Variants in ZNF385D observed in about 807,000 individuals in gnomAD.
ZNF385D encodes zinc finger protein 659.
In ZNF385D, 15 loss-of-function variants were observed where a neutral mutation model predicts 35.8. That is an observed-to-expected ratio of 0.42 (90% confidence interval 0.28 to 0.64). The LOEUF is 0.64. Ranked by LOEUF, ZNF385D falls within the 30% of genes least tolerant of loss-of-function variation. The pLI, the probability that ZNF385D is intolerant of heterozygous loss-of-function variation, is 0.23. For missense variants in ZNF385D, 474 were observed against 494.6 expected (o/e 0.96, Z 0.39); for synonymous variants, 212 against 186.8 (o/e 1.13, Z -1.10).
intron 3 of ZNF385D, among the ~76,000 whole-genome samples, chr3:21,986,569 T>A (rs1486715823): frequency 3.0e-4 from 44 of 148,344 alleles, no homozygotes; most frequent in Middle Eastern, 3.4e-3. Flanking sequence ...ACATTTGCTG[T>A]GGAGAGCTTT....
At chr3:22,255,902 T>A (rs1213718559) in intron 2 of ZNF385D, among the ~76,000 whole-genome samples, 1 of 151,700 alleles carries the variant, frequency 6.6e-6, no homozygotes, top group East Asian at 1.9e-4. Context: ...CCTGGGTGTG[T>A]CTGTGAGGGT....
At chr3:21,724,345 A>G (rs2068663181) in intron 1 of ZNF385D, among the ~76,000 whole-genome samples, 1 of 151,946 alleles carries the variant, frequency 6.6e-6, no homozygotes, top group Admixed American at 6.6e-5. Context: ...CAATTAAAAG[A>G]CACACAATGG....
At chr3:21,675,260 CTCTA>C (rs964889591) in intron 1 of ZNF385D, among the ~76,000 whole-genome samples, 1 of 151,912 alleles carries the variant, frequency 6.6e-6, no homozygotes, top group Non-Finnish European at 1.5e-5. Context: ...ACATCTTTTC[CTCTA>C]TCTTTCTTAA....
chr3:21,950,690 T>G (rs1366459405), intron 3 of ZNF385D, among the ~76,000 whole-genome samples: 9 of 151,830 alleles, frequency 5.9e-5, no homozygotes, highest in Non-Finnish European at 1.5e-5. Context: ...GTCTTACATT[T>G]AAGTCTTTAA....
chr3:22,187,758 G>A (rs1486890581), intron 2 of ZNF385D, among the ~76,000 whole-genome samples: 2 of 152,196 alleles, frequency 1.3e-5, no homozygotes, highest in Non-Finnish European at 2.9e-5. Flanking sequence ...GCTCAACTGT[G>A]TAGAGTCGTA....
At chr3:21,583,884 T>C (rs2063735383) in intron 2 of ZNF385D, among the ~76,000 whole-genome samples, 1 of 150,900 alleles carries the variant, frequency 6.6e-6, no homozygotes, top group Non-Finnish European at 1.5e-5. Context: ...ATTCAATTTT[T>C]TTCTTTTCTT....
At chr3:22,356,931 A>G (rs1277563277) in intron 2 of ZNF385D, among the ~76,000 whole-genome samples, 2 of 151,980 alleles carry the variant, frequency 1.3e-5, no homozygotes, top group Admixed American at 6.6e-5. Context: ...TAAGTGAGTA[A>G]AACATTTACT....
chr3:22,137,757 C>T (rs1284641660), intron 3 of ZNF385D, among the ~76,000 whole-genome samples: 1 of 152,170 alleles, frequency 6.6e-6, no homozygotes, highest in East Asian at 1.9e-4. Context: ...TGAAAACTGG[C>T]ACAAGACAGG....
chr3:22,181,963 C>T (rs1695308671), intron 2 of ZNF385D, among the ~76,000 whole-genome samples: 1 of 152,072 alleles, frequency 6.6e-6, no homozygotes, highest in South Asian at 2.1e-4. Flanking sequence ...AAAATGAAAC[C>T]ATAATAAGCA....
chr3:22,360,895 AG>A (rs1696380381), intron 2 of ZNF385D, among the ~76,000 whole-genome samples: 2 of 152,114 alleles, frequency 1.3e-5, no homozygotes, highest in South Asian at 4.1e-4. Flanking sequence ...TGTTTCTTTC[AG>A]GTTATACAAA....
chr3:21,854,690 C>T (rs768657189), intron 3 of ZNF385D, among the ~76,000 whole-genome samples: 1 of 151,886 alleles, frequency 6.6e-6, no homozygotes, highest in Non-Finnish European at 1.5e-5. Flanking sequence ...ACCAAAAATA[C>T]CTTTAATCCT....
At chr3:22,368,291 T>A (rs901371813) in intron 2 of ZNF385D, among the ~76,000 whole-genome samples, 2 of 152,174 alleles carry the variant, frequency 1.3e-5, no homozygotes, top group Non-Finnish European at 2.9e-5. Flanking sequence ...TTGAGACATA[T>A]CCCAATCTAG....
intron 1 of ZNF385D, among the ~76,000 whole-genome samples, chr3:21,694,104 C>T (rs1276113573): frequency 7.3e-6 from 1 of 136,850 alleles, no homozygotes; most frequent in East Asian, 2.1e-4. Context: ...AGTACAGTGG[C>T]GCGATCTCGG....
chr3:21,574,060 C>CAAAA (rs57041075), intron 2 of ZNF385D, among the ~76,000 whole-genome samples: 7 of 129,014 alleles, frequency 5.4e-5, no homozygotes, highest in Admixed American at 8.1e-5. Flanking sequence ...AACTCCGTCT[C>CAAAA]AAAAAAAAAA....
In ZNF385D at chr3:21,798,636, T is replaced by C. The variant is rs188967053; in HGVS notation, c.326-133608A>G. On this transcript the variant is annotated intron_variant, in intron 3 of 5. Transcript: ENST00000494108. ...AGAAACCTTATTTATATCTGTAAAA[T>C]TTTTTCATCTATGCCACATAATGTA... Among the ~76,000 whole-genome samples, 1,230 of 152,212 alleles carry C rather than the reference T, an allele frequency of 8.1e-3. 10 individuals are homozygous for C. The highest frequency in any genetic ancestry group is 0.01 in the Non-Finnish European group (699 of 68,002).
intron 3 of ZNF385D, among the ~76,000 whole-genome samples, chr3:21,943,184 A>G (rs1302999069): frequency 6.6e-6 from 1 of 152,086 alleles, no homozygotes; most frequent in Non-Finnish European, 1.5e-5. Context: ...TGTCTAGCTT[A>G]TAGTGAAAAA....
intron 3 of ZNF385D, among the ~76,000 whole-genome samples, chr3:22,025,125 A>G (rs1697458852): frequency 1.3e-5 from 2 of 152,104 alleles, no homozygotes; most frequent in Admixed American, 6.6e-5. Flanking sequence ...GAGTTTGTAA[A>G]TTCTGATGAA....
chr3:21,815,167 G>C (rs1013889579), intron 3 of ZNF385D, among the ~76,000 whole-genome samples: 9 of 152,274 alleles, frequency 5.9e-5, no homozygotes, highest in Non-Finnish European at 1.2e-4. Flanking sequence ...CAGAATCTCT[G>C]GGACACATTT....
At chr3:21,577,635 TAGA>T (rs1376443490) in intron 2 of ZNF385D, among the ~76,000 whole-genome samples, 1 of 152,102 alleles carries the variant, frequency 6.6e-6, no homozygotes, top group Non-Finnish European at 1.5e-5. Context: ...CAACAGTGTA[TAGA>T]AAGAGTTCCT....
Sources: allele counts gnomAD v4.1 joint callset (sites outside exome capture counted in the v4.1 genomes callset), GRCh38; gene constraint gnomAD v4.1.1; transcripts MANE v1.5; gene names NCBI Gene and HGNC (gene_info 2026-07-23, HGNC 2026-07-21).